The following ADAMTS2 variants were observed in gnomAD, a reference collection of about 807,000 sequenced individuals.
The protein encoded by ADAMTS2 is ADAM metallopeptidase with thrombospondin type 1 motif 2.
A neutral mutation model predicts 123.0 loss-of-function variants in ADAMTS2; 50 were observed. The ratio of observed to expected loss-of-function variants is 0.41; its 90% CI spans 0.32 to 0.51. The LOEUF (loss-of-function observed/expected upper bound fraction) is 0.51, where lower values mean the gene tolerates loss of function less well. ADAMTS2 is among the 20% of genes least tolerant of loss of function. ADAMTS2 has a pLI of 0.35. For synonymous variants in ADAMTS2, 678 were observed against 695.4 expected (o/e 0.98, Z 0.39); for missense variants, 1,494 against 1,705.2 (o/e 0.88, Z 2.18).
At position 179,117,176 on chromosome 5, in the gene ADAMTS2, TG is replaced by T. The variant is rs1762671655; in HGVS notation, c.3179-2853del. On this transcript the variant is annotated intron_variant, in intron 21 of 21. Transcript: ENST00000251582. The surrounding 1 kb of genome is among the most constrained non-coding windows in gnomAD (Gnocchi z 4.2). ...CCATCCTCTCCAGCAGCCTGGTTTGTGAAACCACTGAGCCCTACCCTCAGGG... is the reference window on the plus strand; with the variant it reads ...CCATCCTCTCCAGCAGCCTGGTTTGTAAACCACTGAGCCCTACCCTCAGGG... Among the ~76,000 whole-genome samples the T allele has an allele frequency of 6.6e-6, 1 of 152,128 alleles. No individual in the cohort carries two copies. The highest frequency in any genetic ancestry group is 1.5e-5 in the Non-Finnish European group (1 of 68,026).
chr5:179,185,214 C>T lies in ADAMTS2; in HGVS notation c.892-4059G>A, dbSNP rs140746909. 2.3e-4 allele frequency among the ~76,000 whole-genome samples: 35 copies of T among 152,196 alleles called. No individual in the cohort carries two copies. In the East Asian group the frequency reaches 2.5e-3, roughly 11 times the overall value. On this transcript the variant is annotated intron_variant, in intron 4 of 21. Coordinates refer to ENST00000251582, the MANE Select transcript of ADAMTS2 (RefSeq NM_014244.5). The surrounding 1 kb of genome is among the most constrained non-coding windows in gnomAD (Gnocchi z 5.9). The stretch of plus-strand genomic sequence containing the variant: ...GGAGGACATGGAGGAAGGATGATGG[C>T]GGGGCATTTAAGAAGCTTACTCCAG...
intron 3 of ADAMTS2, among the ~76,000 whole-genome samples, chr5:179,239,318 T>C (rs1383243436): frequency 6.6e-6 from 1 of 150,784 alleles, no homozygotes; most frequent in Non-Finnish European, 1.5e-5. Context: ...TTCTCATCAG[T>C]GTGAGAGGAA....
At chr5:179,164,256 T>C (rs573294034) in intron 5 of ADAMTS2, among the ~76,000 whole-genome samples, 4 of 152,324 alleles carry the variant, frequency 2.6e-5, no homozygotes, top group African/African-American at 9.6e-5. Flanking sequence ...GTCTGGAGCA[T>C]TCAAGGGCTA....
At chr5:179,251,276 G>A (rs1471880079) in intron 3 of ADAMTS2, among the ~76,000 whole-genome samples, 2 of 152,156 alleles carry the variant, frequency 1.3e-5, no homozygotes, top group Non-Finnish European at 2.9e-5. Flanking sequence ...AACCCAGCCA[G>A]GCAGGGTTTG....
At chr5:179,341,729 A>AAAAAAAG (rs70997682) in intron 2 of ADAMTS2, among the ~76,000 whole-genome samples, 3 of 144,062 alleles carry the variant, frequency 2.1e-5, no homozygotes, top group Non-Finnish European at 3.0e-5. Flanking sequence ...AAAAAAAAAA[A>AAAAAAAG]AAAGAAAACA....
At chr5:179,163,722 G>A (rs980962753) in intron 5 of ADAMTS2, among the ~76,000 whole-genome samples, 10 of 152,118 alleles carry the variant, frequency 6.6e-5, no homozygotes, top group African/African-American at 1.9e-4. Context: ...TTGCTGCTGC[G>A]GCAAGACAAT....
intron 3 of ADAMTS2, among the ~76,000 whole-genome samples, chr5:179,265,791 G>T (rs1054464633): frequency 6.6e-6 from 1 of 152,234 alleles, no homozygotes; most frequent in Non-Finnish European, 1.5e-5. Flanking sequence ...GCGCCGCGGC[G>T]TCTGCCAAGG....
chr5:179,287,903 C>T (rs1346926385), intron 2 of ADAMTS2, among the ~76,000 whole-genome samples: 1 of 152,220 alleles, frequency 6.6e-6, no homozygotes. Context: ...GGCTGGGACG[C>T]AGCCCGCCCA....
intron 2 of ADAMTS2, among the ~76,000 whole-genome samples, chr5:179,292,619 A>T (rs985729568): frequency 1.4e-5 from 2 of 145,720 alleles, no homozygotes; most frequent in Non-Finnish European, 3.0e-5. Context: ...CCAGGGCCCC[A>T]TGTATCCTAG....
intron 13 of ADAMTS2, 103 bp from the exon 14 acceptor site, chr5:179,133,003 C>A: frequency 1.4e-6 from 2 of 1,465,240 alleles, no homozygotes; most frequent in South Asian, 2.4e-5. Flanking sequence ...AAGCGATCCT[C>A]CTGCCTTGGC....
intron 3 of ADAMTS2, among the ~76,000 whole-genome samples, chr5:179,255,833 GGGGCTCTGCAGCAGCAGGCA>G (rs1283516955): frequency 6.6e-6 from 1 of 152,196 alleles, no homozygotes; most frequent in African/African-American, 2.4e-5. Context: ...TCGGGGATCA[GGGGCTCTGCAGCAGCAGGCA>G]GGGCTGGGCA....
chr5:179,151,777 C>T (rs1763360267), intron 10 of ADAMTS2, among the ~76,000 whole-genome samples: 1 of 152,168 alleles, frequency 6.6e-6, no homozygotes, highest in South Asian at 2.1e-4. Context: ...AAAGGTTAAG[C>T]CTCATGCTGG....
At chr5:179,119,103 T>A (rs1051404198) in intron 21 of ADAMTS2, among the ~76,000 whole-genome samples, 40 of 152,232 alleles carry the variant, frequency 2.6e-4, no homozygotes, top group Admixed American at 2.5e-3. Flanking sequence ...GCGGCGTCTC[T>A]AGCTCTGGCC....
At chr5:179,192,620 T>A (rs1764332206) in intron 4 of ADAMTS2, among the ~76,000 whole-genome samples, 1 of 152,210 alleles carries the variant, frequency 6.6e-6, no homozygotes. Context: ...AGGGCCAGCA[T>A]GGGCAGCCCC....
At chr5:179,207,764 C>T (rs1426713665) in intron 3 of ADAMTS2, 49 bp from the exon 4 acceptor site, 7 of 1,558,602 alleles carry the variant, frequency 4.5e-6, no homozygotes, top group Non-Finnish European at 5.3e-6. Context: ...CCCACCCGGA[C>T]ACAAACCTAC....
chr5:179,230,409 ACTT>A (rs1765382140), intron 3 of ADAMTS2, among the ~76,000 whole-genome samples: 2 of 152,016 alleles, frequency 1.3e-5, no homozygotes, highest in Non-Finnish European at 1.5e-5. Context: ...TCTGGTGGTC[ACTT>A]ATGCGCTCCA....
At chr5:179,244,559 C>G (rs1387939907) in intron 3 of ADAMTS2, among the ~76,000 whole-genome samples, 4 of 152,198 alleles carry the variant, frequency 2.6e-5, no homozygotes, top group African/African-American at 4.8e-5. Flanking sequence ...AATTCACACC[C>G]ACACACATAC....
At chr5:179,208,655 C>T (rs563477255) in intron 3 of ADAMTS2, among the ~76,000 whole-genome samples, 6 of 152,330 alleles carry the variant, frequency 3.9e-5, no homozygotes, top group South Asian at 4.1e-4. Flanking sequence ...CCTCCACTGC[C>T]CGTCTGAAGG....
At chr5:179,224,343 A>G (rs1765222837) in intron 3 of ADAMTS2, among the ~76,000 whole-genome samples, 1 of 152,184 alleles carries the variant, frequency 6.6e-6, no homozygotes, top group African/African-American at 2.4e-5. Flanking sequence ...CTCACACCAC[A>G]GCAATTCTCA....
Sources: allele counts gnomAD v4.1 joint callset (sites outside exome capture counted in the v4.1 genomes callset), GRCh38; gene constraint gnomAD v4.1.1; non-coding constraint Gnocchi (gnomAD v3.1); transcripts MANE v1.5; gene names NCBI Gene and HGNC (gene_info 2026-07-23, HGNC 2026-07-21).